ARHGAP8: variants seen among roughly 807,000 people sequenced by gnomAD.
ARHGAP8 encodes the protein Rho GTPase activating protein 8.
A neutral mutation model predicts 46.1 loss-of-function variants in ARHGAP8; 62 were observed. The observed-to-expected ratio is 1.34, with a 90% CI of 1.10 to 1.66. The LOEUF is 1.66. Ranked by LOEUF, ARHGAP8 falls within the 40% of genes most tolerant of loss-of-function variation. The probability of loss-of-function intolerance (pLI) is 0.00; values close to 1 mark genes in which losing one functional copy is unlikely to be tolerated. For missense variants in ARHGAP8, 923 were observed against 568.4 expected, an observed-to-expected ratio of 1.62 and a Z score of -6.34; for synonymous variants, 375 against 243.1, an observed-to-expected ratio of 1.54 and a Z score of -5.05.
At chr22:44,816,560 CAT>C (rs1454136571) in intron 5 of ARHGAP8, among the ~76,000 whole-genome samples, 1 of 152,166 alleles carries the variant, frequency 6.6e-6, no homozygotes, top group Non-Finnish European at 1.5e-5. Context: ...TGCTACTAAT[CAT>C]AGCACTTTGG....
chr22:44,814,971 G>A (rs1929631061), intron 5 of ARHGAP8, among the ~76,000 whole-genome samples: 1 of 152,150 alleles, frequency 6.6e-6, no homozygotes, highest in Non-Finnish European at 1.5e-5. Context: ...GGCACCTGTG[G>A]GGTTTGCACC....
chr22:44,775,867 C>T (rs1347335884), intron 1 of ARHGAP8, among the ~76,000 whole-genome samples: 3 of 152,176 alleles, frequency 2.0e-5, no homozygotes, highest in Non-Finnish European at 4.4e-5. Flanking sequence ...GAAAAATTAG[C>T]TTCCCTGGTA....
intron 10 of ARHGAP8, among the ~76,000 whole-genome samples, chr22:44,857,287 T>A (rs754347883): frequency 6.6e-6 from 1 of 152,104 alleles, no homozygotes; most frequent in Non-Finnish European, 1.5e-5. Context: ...GGGTCCTGGC[T>A]CTCTGTGCAG....
At chr22:44,801,873 G>T (rs748713292) in intron 2 of ARHGAP8, 1 of 598,162 alleles carries the variant, frequency 1.7e-6, no homozygotes, top group Non-Finnish European at 3.0e-6. Flanking sequence ...TCCAGCGTAC[G>T]GCTGGTCATG....
At chr22:44,832,278 G>A (rs1480125211) in intron 7 of ARHGAP8, among the ~76,000 whole-genome samples, 2 of 146,216 alleles carry the variant, frequency 1.4e-5, no homozygotes, top group African/African-American at 5.1e-5. Flanking sequence ...CTAGGCTGGA[G>A]TGCAGTGGTG....
chr22:44,819,245 T>C (rs1306206820), intron 5 of ARHGAP8, among the ~76,000 whole-genome samples: 1 of 152,194 alleles, frequency 6.6e-6, no homozygotes, highest in African/African-American at 2.4e-5. Flanking sequence ...TTTTGAACTT[T>C]TAGTAGAGAC....
chr22:44,861,343 C>T (rs960494992), intron 11 of ARHGAP8, among the ~76,000 whole-genome samples: 1 of 152,222 alleles, frequency 6.6e-6, no homozygotes, highest in African/African-American at 2.4e-5. Context: ...GATGTGAATG[C>T]ACCTGGTGGG....
intron 1 of ARHGAP8, among the ~76,000 whole-genome samples, chr22:44,754,322 T>C (rs1028659589): frequency 6.8e-5 from 10 of 147,356 alleles, no homozygotes; most frequent in Admixed American, 1.4e-4. Flanking sequence ...GATAACATCA[T>C]TGGGTCATTG....
intron 3 of ARHGAP8, among the ~76,000 whole-genome samples, chr22:44,807,212 T>C (rs1262984983): frequency 1.3e-5 from 2 of 152,170 alleles, no homozygotes; most frequent in African/African-American, 4.8e-5. Flanking sequence ...TGAGGGATCA[T>C]GGCCTGACCG....
intron 1 of ARHGAP8, among the ~76,000 whole-genome samples, chr22:44,772,353 T>C (rs1312946687): frequency 7.0e-5 from 2 of 28,670 alleles, no homozygotes; most frequent in African/African-American, 1.5e-4. Context: ...TTCTTTTTTC[T>C]TTTTTTTTTT....
chr22:44,786,367 G>T, intron 1 of ARHGAP8, 90 bp from the exon 2 acceptor site: 1 of 1,488,092 alleles, frequency 6.7e-7, no homozygotes, highest in Non-Finnish European at 9.0e-7. Flanking sequence ...GCAGAGGTGG[G>T]TGACTGTCTT....
intron 1 of ARHGAP8, among the ~76,000 whole-genome samples, chr22:44,759,008 C>T (rs950363681): frequency 1.3e-5 from 2 of 152,176 alleles, no homozygotes; most frequent in African/African-American, 4.8e-5. Context: ...TGGTAGGGAT[C>T]ATGGCAGAGG....
chr22:44,857,576 G>A (rs936020552), intron 10 of ARHGAP8, among the ~76,000 whole-genome samples: 68 of 152,302 alleles, frequency 4.5e-4, no homozygotes, highest in African/African-American at 1.6e-3. Context: ...GAGAGGCGTG[G>A]GAAGTGCGAC....
intron 7 of ARHGAP8, among the ~76,000 whole-genome samples, chr22:44,843,403 A>AT (rs375490446): frequency 1.1e-4 from 17 of 152,364 alleles, no homozygotes; most frequent in African/African-American, 3.8e-4. Flanking sequence ...AAAATGGCAA[A>AT]TATGTGTAAA....
intron 6 of ARHGAP8, among the ~76,000 whole-genome samples, chr22:44,825,141 C>G (rs1438442400): frequency 6.6e-6 from 1 of 151,954 alleles, no homozygotes; most frequent in Non-Finnish European, 1.5e-5. Flanking sequence ...GGCCAGCTCT[C>G]GTCTTAAATT....
chr22:44,836,723 G>A (rs965531296), intron 7 of ARHGAP8, among the ~76,000 whole-genome samples: 6 of 151,946 alleles, frequency 3.9e-5, no homozygotes, highest in African/African-American at 7.2e-5. Flanking sequence ...GGGAGGGGAC[G>A]TGTTGTATTT....
chr22:44,812,310 T>G (rs1451678264), intron 4 of ARHGAP8, among the ~76,000 whole-genome samples: 2 of 150,840 alleles, frequency 1.3e-5, no homozygotes, highest in Admixed American at 6.6e-5. Context: ...AAGCCACTGC[T>G]ACTGCCCCCC....
chr22:44,860,889 T>A (rs1052273781), intron 11 of ARHGAP8, among the ~76,000 whole-genome samples: 1 of 152,062 alleles, frequency 6.6e-6, no homozygotes, highest in Non-Finnish European at 1.5e-5. Flanking sequence ...CTGAGCAGAG[T>A]AGGCGTCACA....
chr22:44,853,464 G>C (rs1029649929), intron 10 of ARHGAP8, among the ~76,000 whole-genome samples: 2 of 152,184 alleles, frequency 1.3e-5, no homozygotes, highest in African/African-American at 4.8e-5. Flanking sequence ...GCCAGATATT[G>C]GAGGAAAGGA....
Sources: allele counts gnomAD v4.1 joint callset (sites outside exome capture counted in the v4.1 genomes callset), GRCh38; gene constraint gnomAD v4.1.1; transcripts MANE v1.5; gene names NCBI Gene and HGNC (gene_info 2026-07-23, HGNC 2026-07-21).